The following PTPRK variants were observed in gnomAD, a reference collection of about 807,000 sequenced individuals.
PTPRK encodes receptor-type tyrosine-protein phosphatase kappa.
Under a neutral mutation model 178.0 loss-of-function variants are expected in PTPRK, and 75 were observed. The observed-to-expected ratio is 0.42, with a 90% CI of 0.35 to 0.51. The LOEUF is 0.51. Ranked by LOEUF, PTPRK falls within the 20% of genes least tolerant of loss-of-function variation. The probability of loss-of-function intolerance (pLI) is 0.02; values close to 1 mark genes in which losing one functional copy is unlikely to be tolerated. For missense variants in PTPRK, 1,441 were observed against 1,797.8 expected, an observed-to-expected ratio of 0.80 and a Z score of 3.59; for synonymous variants, 637 against 620.6, an observed-to-expected ratio of 1.03 and a Z score of -0.39.
At chr6:127,991,234 C>T in intron 20 of PTPRK, 60 bp downstream of exon 20, 1 of 1,309,338 alleles carries the variant, frequency 7.6e-7, no homozygotes, top group Non-Finnish European at 1.1e-6. Flanking sequence ...GAGTGTCTTA[C>T]ATGTTGCTTC....
intron 7 of PTPRK, among the ~76,000 whole-genome samples, chr6:128,153,324 G>C (rs1317716827): frequency 6.6e-6 from 1 of 151,754 alleles, no homozygotes; most frequent in African/African-American, 2.4e-5. Context: ...CCTCAGTAAG[G>C]TATAGCACAA....
intron 4 of PTPRK, among the ~76,000 whole-genome samples, chr6:128,240,649 T>C (rs748850608): frequency 6.6e-6 from 1 of 152,214 alleles, no homozygotes; most frequent in Non-Finnish European, 1.5e-5. Flanking sequence ...TCAATAGTTA[T>C]AACCCTCTAC....
intron 7 of PTPRK, among the ~76,000 whole-genome samples, chr6:128,166,960 T>C (rs951611915): frequency 4.6e-5 from 7 of 151,742 alleles, no homozygotes; most frequent in Non-Finnish European, 7.4e-5. Context: ...CTAGTGTTCC[T>C]GGAGTTATCA....
chr6:128,371,843 C>G (rs576574807), intron 2 of PTPRK, among the ~76,000 whole-genome samples: 12 of 151,414 alleles, frequency 7.9e-5, no homozygotes, highest in African/African-American at 2.7e-4. Flanking sequence ...GCCACTGCAC[C>G]CCAGCCCTGG....
chr6:128,467,182 TG>T lies in PTPRK; in HGVS notation c.100+53076del, dbSNP rs551587579. On this transcript the variant is annotated intron_variant, in intron 1 of 29. Coordinates refer to ENST00000368226, the MANE Select transcript of PTPRK (RefSeq NM_002844.4). ...GCCCGGCTAATTTTTTTGTATTTTT[TG>T]TATAGACGGGGTTTTGCCACGTTGC... Among the ~76,000 whole-genome samples the T allele has an allele frequency of 4.6e-3, 706 of 152,176 alleles. 9 individuals are homozygous for T. The highest frequency in any genetic ancestry group is 0.016 in the African/African-American group (680 of 41,526).
At chr6:128,256,507 C>T (rs2062251195) in intron 3 of PTPRK, among the ~76,000 whole-genome samples, 1 of 149,362 alleles carries the variant, frequency 6.7e-6, no homozygotes, top group Admixed American at 6.7e-5. Flanking sequence ...CAGTGGCGAT[C>T]TTGGCTCACT....
intron 29 of PTPRK, among the ~76,000 whole-genome samples, chr6:127,970,602 AAT>A (rs1773794811): frequency 6.6e-6 from 1 of 152,096 alleles, no homozygotes; most frequent in Non-Finnish European, 1.5e-5. Flanking sequence ...AAATATAAAG[AAT>A]ATACACATTC....
chr6:128,375,216 T>C (rs1836888665), intron 2 of PTPRK, among the ~76,000 whole-genome samples: 2 of 151,662 alleles, frequency 1.3e-5, no homozygotes, highest in African/African-American at 4.8e-5. Context: ...ACTGTATAAG[T>C]TTGTTTTCAT....
At chr6:128,197,648 C>T (rs1279843720) in intron 6 of PTPRK, among the ~76,000 whole-genome samples, 1 of 152,018 alleles carries the variant, frequency 6.6e-6, no homozygotes, top group African/African-American at 2.4e-5. Flanking sequence ...ACTGTGCTCT[C>T]TAAACCAAGG....
At chr6:128,512,132 C>CAA (rs1857282962) in intron 1 of PTPRK, among the ~76,000 whole-genome samples, 1 of 152,170 alleles carries the variant, frequency 6.6e-6, no homozygotes, top group Admixed American at 6.5e-5. Flanking sequence ...AGTGCCCTCT[C>CAA]AGAGTCTCTC....
At chr6:128,334,758 A>G (rs1303518809) in intron 2 of PTPRK, among the ~76,000 whole-genome samples, 1 of 152,090 alleles carries the variant, frequency 6.6e-6, no homozygotes, top group Non-Finnish European at 1.5e-5. Flanking sequence ...GAAAAATATA[A>G]TCTCCCCCAT....
chr6:128,219,642 G>A (rs1810035977), intron 5 of PTPRK, among the ~76,000 whole-genome samples: 1 of 152,208 alleles, frequency 6.6e-6, no homozygotes, highest in Non-Finnish European at 1.5e-5. Flanking sequence ...GTAATTCTCA[G>A]TTCTCCATAA....
intron 13 of PTPRK, among the ~76,000 whole-genome samples, chr6:128,042,766 C>T (rs1428866535): frequency 6.6e-6 from 1 of 151,860 alleles, no homozygotes; most frequent in African/African-American, 2.4e-5. Context: ...CACAGAGGCC[C>T]CAACCAAGAA....
At chr6:128,520,236 G>C in intron 1 of PTPRK, 23 bp downstream of exon 1, 1 of 1,561,178 alleles carries the variant, frequency 6.4e-7, no homozygotes, top group Non-Finnish European at 8.7e-7. Context: ...GGCGTTCGTC[G>C]GGGACGCCCC....
Position 128,164,287 on chromosome 6 carries a change from A to G in PTPRK, c.1162+20145T>C, listed in dbSNP as rs1229525580. Among the ~76,000 whole-genome samples, 5 of 151,456 alleles carry G rather than the reference A, an allele frequency of 3.3e-5. No individual in the cohort carries two copies. The Admixed American group carries it at 3.3e-4, about 10-fold the overall frequency. The stretch of plus-strand genomic sequence containing the variant: ...GTTCAGAAGTATAGCTTAGCTCACT[A>G]TAGAGAAAGCATGTCTACTATTCAT... On this transcript the variant is annotated intron_variant, in intron 7 of 29. Transcript: ENST00000368226.
chr6:128,217,556 ATTTCT>A (rs1809561527), intron 6 of PTPRK, among the ~76,000 whole-genome samples: 1 of 152,194 alleles, frequency 6.6e-6, no homozygotes, highest in African/African-American at 2.4e-5. Flanking sequence ...TGAATTTCAA[ATTTCT>A]TTTCGTTAAA....
chr6:128,138,433 C>CT (rs1316626477), intron 7 of PTPRK, among the ~76,000 whole-genome samples: 1 of 152,096 alleles, frequency 6.6e-6, no homozygotes, highest in East Asian at 1.9e-4. Flanking sequence ...CTCTTGAACT[C>CT]TGATTTATGT....
At chr6:128,278,386 G>A (rs914548343) in intron 3 of PTPRK, among the ~76,000 whole-genome samples, 4 of 151,968 alleles carry the variant, frequency 2.6e-5, no homozygotes, top group East Asian at 1.9e-4. Context: ...TTGAAATCCC[G>A]ACTTTGTGAT....
intron 1 of PTPRK, among the ~76,000 whole-genome samples, chr6:128,426,411 T>C (rs1844145628): frequency 2.0e-5 from 3 of 152,194 alleles, no homozygotes; most frequent in Non-Finnish European, 4.4e-5. Flanking sequence ...ATTTTTACAG[T>C]ATTTTATTCA....
Sources: allele counts gnomAD v4.1 joint callset (sites outside exome capture counted in the v4.1 genomes callset), GRCh38; gene constraint gnomAD v4.1.1; transcripts MANE v1.5; gene names NCBI Gene and HGNC (gene_info 2026-07-23, HGNC 2026-07-21).